Variants in ABCA4 observed in about 807,000 individuals in gnomAD.
ABCA4 encodes the protein ATP binding cassette subfamily A member 4, also known as retinal-specific phospholipid-transporting ATPase ABCA4.
In ABCA4, 196 loss-of-function variants were observed where a neutral mutation model predicts 263.7. The ratio of observed to expected loss-of-function variants is 0.74; its 90% confidence interval spans 0.66 to 0.84. ABCA4 has a LOEUF of 0.84. Among genes scored for constraint, ABCA4 ranks in the 40% least tolerant of loss-of-function variants. The probability of loss-of-function intolerance (pLI) is 0.00; values close to 1 mark genes in which losing one functional copy is unlikely to be tolerated. For missense variants in ABCA4, 2,792 were observed against 2,855.1 expected, an observed-to-expected ratio of 0.98 and a Z score of 0.50; for synonymous variants, 1,133 against 1,094.2, an observed-to-expected ratio of 1.04 and a Z score of -0.70.
intron 4 of ABCA4, among the ~76,000 whole-genome samples, chr1:94,105,994 C>T (rs1662424515): frequency 6.6e-6 from 1 of 152,232 alleles, no homozygotes; most frequent in Admixed American, 6.5e-5. Context: ...CGGTGAATCT[C>T]AACAGACTGA....
chr1:94,020,892 G>A (rs1036952786), intron 35 of ABCA4, among the ~76,000 whole-genome samples: 8 of 152,238 alleles, frequency 5.3e-5, no homozygotes, highest in South Asian at 2.1e-4. Context: ...TAATTACTCC[G>A]AGGGAGCTGA....
intron 28 of ABCA4, 150 bp downstream of exon 28, chr1:94,030,846 A>T: frequency 8.2e-7 from 1 of 1,221,504 alleles, no homozygotes; most frequent in Non-Finnish European, 1.2e-6. Flanking sequence ...CAGATACATT[A>T]AGTTCCTTTC....
At chr1:94,119,479 T>C (rs923964823) in intron 1 of ABCA4, among the ~76,000 whole-genome samples, 6 of 152,200 alleles carry the variant, frequency 3.9e-5, no homozygotes, top group South Asian at 2.1e-4. Flanking sequence ...TAAGCTATTG[T>C]CCCTCGGCCC....
At position 94,047,010 on chromosome 1, in the gene ABCA4, G is replaced by C. The variant is rs61749446; in HGVS notation, c.2827C>G (p.Arg943Gly). ...NLVKIFEPCG[R>G]PAVDRLNITF... ...ATGTTCAGACGGTCCACAGCTGGCCGGCCACAGGGCTCAAAAATCTTTACC... is the reference window on the plus strand; with the variant it reads ...ATGTTCAGACGGTCCACAGCTGGCCCGCCACAGGGCTCAAAAATCTTTACC... The change falls in exon 19 of 50, where the codon CGG becomes GGG. Residue 943 changes from arginine to glycine, a missense_variant. Physicochemically the swap from Arg to Gly is moderately radical, Grantham distance 125. Coordinates refer to ENST00000370225, the MANE Select transcript of ABCA4 (RefSeq NM_000350.3). 6.2e-7 allele frequency: 1 copy of C among 1,614,106 alleles called. No individual in the cohort carries two copies. Among genetic ancestry groups the C allele is most frequent in the Non-Finnish European group, 8.5e-7 (1 of 1,180,022 alleles).
At chr1:94,001,278 G>T (rs1452291283) in intron 45 of ABCA4, among the ~76,000 whole-genome samples, 173 bp from the exon 46 acceptor site, 1 of 152,212 alleles carries the variant, frequency 6.6e-6, no homozygotes, top group East Asian at 1.9e-4. Context: ...AAGGCAGGAG[G>T]TGGATCCAAG....
At chr1:94,119,628 A>G (rs1026094016) in intron 1 of ABCA4, among the ~76,000 whole-genome samples, 1 of 152,098 alleles carries the variant, frequency 6.6e-6, no homozygotes, top group Non-Finnish European at 1.5e-5. Flanking sequence ...CTATGCTCCA[A>G]GTCTTAATAA....
intron 37 of ABCA4, 25 bp downstream of exon 37, chr1:94,015,714 T>G: frequency 1.4e-6 from 2 of 1,452,784 alleles, no homozygotes; most frequent in Non-Finnish European, 1.9e-6. Flanking sequence ...TTCAGAGGCA[T>G]TAGCTAATGG....
At chr1:94,080,449 A>T (rs2101106443) in intron 8 of ABCA4, 29 bp downstream of exon 8, 1 of 1,614,018 alleles carries the variant, frequency 6.2e-7, no homozygotes, top group South Asian at 1.1e-5. Context: ...ATGAGAGGCC[A>T]ATTTATAAGC....
chr1:94,046,752 C>T (rs1384181913), intron 19 of ABCA4, among the ~76,000 whole-genome samples, 167 bp downstream of exon 19: 1 of 152,210 alleles, frequency 6.6e-6, no homozygotes, highest in Non-Finnish European at 1.5e-5. Flanking sequence ...CAAGAGAATA[C>T]ATATTAGTGA....
chr1:94,007,550 C>T, intron 43 of ABCA4, 84 bp downstream of exon 43: 1 of 1,265,294 alleles, frequency 7.9e-7, no homozygotes, highest in Non-Finnish European at 1.2e-6. Flanking sequence ...AGCCACCCTA[C>T]TATAGGGTCT....
At chr1:94,083,192 T>C (rs1312966008) in intron 7 of ABCA4, among the ~76,000 whole-genome samples, 160 bp downstream of exon 7, 2 of 152,252 alleles carry the variant, frequency 1.3e-5, no homozygotes, top group East Asian at 3.8e-4. Flanking sequence ...AGAGCACAGA[T>C]AATTTGGGAT....
chr1:94,001,689 T>G (rs1471863480), intron 45 of ABCA4, 169 bp downstream of exon 45: 2 of 988,650 alleles, frequency 2.0e-6, no homozygotes, highest in South Asian at 1.4e-5. Flanking sequence ...TCCGGAGCTG[T>G]GTGAACCAAA....
At chr1:94,060,977 T>A (rs762160930) in intron 13 of ABCA4, among the ~76,000 whole-genome samples, 1 of 152,254 alleles carries the variant, frequency 6.6e-6, no homozygotes, top group Non-Finnish European at 1.5e-5. Flanking sequence ...GCTGGCTTTC[T>A]GGTTAGCCCG....
At chr1:94,098,318 A>G (rs1662186901) in intron 6 of ABCA4, among the ~76,000 whole-genome samples, 1 of 152,246 alleles carries the variant, frequency 6.6e-6, no homozygotes, top group Non-Finnish European at 1.5e-5. Context: ...AGGAAGAAGC[A>G]TGGGGCCATC....
chr1:94,029,278 C>T (rs998538955), intron 30 of ABCA4, among the ~76,000 whole-genome samples, 167 bp downstream of exon 30: 5 of 152,170 alleles, frequency 3.3e-5, no homozygotes, highest in South Asian at 2.1e-4. Flanking sequence ...GCAGCCACAG[C>T]GCCCTGTGGG....
chr1:93,999,527 GCTTT>G (rs3838271), intron 47 of ABCA4, among the ~76,000 whole-genome samples: 19,346 of 152,166 alleles, frequency 0.13, 2,042 homozygotes, highest in African/African-American at 0.29. Flanking sequence ...GGCCATTGGT[GCTTT>G]CTTTCTCCTT....
At chr1:94,102,923 G>A in intron 5 of ABCA4, 92 bp downstream of exon 5, 3 of 1,558,320 alleles carry the variant, frequency 1.9e-6, no homozygotes, top group Admixed American at 1.7e-5. Flanking sequence ...ACACAAGGAA[G>A]AAAGAAGAAA....
chr1:94,055,062 G>A (rs1206433769), intron 16 of ABCA4, 49 bp downstream of exon 16: 6 of 1,514,320 alleles, frequency 4.0e-6, no homozygotes, highest in African/African-American at 1.4e-5. Context: ...GAGAGGGCTG[G>A]GGATCTGAAG....
intron 4 of ABCA4, among the ~76,000 whole-genome samples, chr1:94,107,966 G>T (rs190388526): frequency 6.4e-4 from 98 of 151,938 alleles, no homozygotes; most frequent in African/African-American, 2.2e-3. Context: ...GTGCAGCCTG[G>T]ACTTGATGCA....
Sources: allele counts gnomAD v4.1 joint callset (sites outside exome capture counted in the v4.1 genomes callset), GRCh38; gene constraint gnomAD v4.1.1; transcripts MANE v1.5; gene names NCBI Gene and HGNC (gene_info 2026-07-23, HGNC 2026-07-21).